Variants in NAALADL2 observed in about 807,000 individuals in gnomAD.
The protein encoded by NAALADL2 is inactive N-acetylated-alpha-linked acidic dipeptidase-like protein 2.
A neutral mutation model predicts 87.2 loss-of-function variants in NAALADL2; 76 were observed. That is an observed-to-expected ratio of 0.87 (90% CI 0.72 to 1.05). The LOEUF (loss-of-function observed/expected upper bound fraction) is 1.05. Ranked by LOEUF, NAALADL2 falls within the 50% of genes least tolerant of loss-of-function variation. The pLI, the probability that NAALADL2 is intolerant of heterozygous loss-of-function variation, is 0.00. For missense variants in NAALADL2, 1,089 were observed against 945.8 expected, an observed-to-expected ratio of 1.15 and a Z score of -1.99; for synonymous variants, 354 against 331.0, an observed-to-expected ratio of 1.07 and a Z score of -0.75.
intron 1 of NAALADL2, among the ~76,000 whole-genome samples, chr3:174,969,346 C>T (rs1164652043): frequency 6.6e-6 from 1 of 152,144 alleles, no homozygotes; most frequent in Non-Finnish European, 1.5e-5. Flanking sequence ...TTCTGTAACA[C>T]TCCTCTTACT....
chr3:175,634,020 C>T (rs909142351), intron 11 of NAALADL2, among the ~76,000 whole-genome samples: 2 of 151,598 alleles, frequency 1.3e-5, no homozygotes, highest in Non-Finnish European at 3.0e-5. Flanking sequence ...TTGTGTAAAG[C>T]CTGAAAATCA....
chr3:174,582,449 AT>A (rs1253649881), intron 2 of NAALADL2, among the ~76,000 whole-genome samples: 1 of 152,238 alleles, frequency 6.6e-6, no homozygotes, highest in Non-Finnish European at 1.5e-5. Flanking sequence ...ACTGCATTTA[AT>A]AGTTTGAATA....
intron 1 of NAALADL2, among the ~76,000 whole-genome samples, chr3:174,524,366 C>T (rs1343023596): frequency 6.6e-6 from 1 of 152,002 alleles, no homozygotes; most frequent in Non-Finnish European, 1.5e-5. Flanking sequence ...AGTGGGGTGG[C>T]GGGTGGATGT....
At chr3:174,783,860 T>C (rs1351679955) in intron 3 of NAALADL2, among the ~76,000 whole-genome samples, 1 of 152,116 alleles carries the variant, frequency 6.6e-6, no homozygotes, top group Non-Finnish European at 1.5e-5. Context: ...GCATCATTTT[T>C]TTCAGAAAAT....
Position 175,013,108 on chromosome 3 carries a change from T to G in NAALADL2, c.44-83682T>G, listed in dbSNP as rs565507012. 7.7e-3 allele frequency among the ~76,000 whole-genome samples: 56 copies of G among 7,310 alleles called. 8 individuals carry two copies. The highest frequency in any genetic ancestry group is 0.033 in the African/African-American group (47 of 1,444). The allele number at this position is 7,310 out of a possible 152,430, so 4.8% of individuals were successfully genotyped here. A position where few individuals can be genotyped will look rare whatever the true frequency, so the allele number is the denominator to read the frequency against. ...CATATTTATATATAAATATACATAT[T>G]TATATATAAATATACATATTTATAT... On this transcript the variant is annotated intron_variant, in intron 1 of 13. Transcript: ENST00000454872.
intron 1 of NAALADL2, among the ~76,000 whole-genome samples, chr3:175,061,763 A>G (rs1398110854): frequency 6.8e-6 from 1 of 146,694 alleles, no homozygotes; most frequent in Non-Finnish European, 1.5e-5. Context: ...AGTTTTATAC[A>G]CCACAAAATT....
At chr3:175,092,945 G>C (rs1720418817) in intron 1 of NAALADL2, among the ~76,000 whole-genome samples, 2 of 151,838 alleles carry the variant, frequency 1.3e-5, no homozygotes, top group African/African-American at 4.8e-5. Context: ...AATATAACAT[G>C]TAAGGGTGTT....
intron 1 of NAALADL2, among the ~76,000 whole-genome samples, chr3:174,993,916 G>A (rs931659044): frequency 6.6e-6 from 1 of 152,130 alleles, no homozygotes; most frequent in African/African-American, 2.4e-5. Flanking sequence ...CTTGGATCAT[G>A]TCAGTCTCTG....
At chr3:175,526,115 C>T (rs1026333355) in intron 9 of NAALADL2, among the ~76,000 whole-genome samples, 1 of 152,156 alleles carries the variant, frequency 6.6e-6, no homozygotes, top group Non-Finnish European at 1.5e-5. Flanking sequence ...TGAGGACAGT[C>T]TTGTCAAATG....
chr3:174,574,185 G>A (rs1715260363), intron 2 of NAALADL2, among the ~76,000 whole-genome samples: 3 of 152,084 alleles, frequency 2.0e-5, no homozygotes, highest in Admixed American at 1.3e-4. Flanking sequence ...CTGAATTCCA[G>A]TAGACATATT....
At chr3:174,680,065 A>G (rs557181628) in intron 2 of NAALADL2, among the ~76,000 whole-genome samples, 1 of 148,252 alleles carries the variant, frequency 6.7e-6, no homozygotes, top group South Asian at 2.2e-4. Flanking sequence ...GACACACACT[A>G]GAAACTTAAT....
At chr3:174,958,314 AT>A (rs1168259484) in intron 1 of NAALADL2, among the ~76,000 whole-genome samples, 2 of 152,006 alleles carry the variant, frequency 1.3e-5, no homozygotes, top group East Asian at 3.9e-4. Flanking sequence ...TAGATGCCCA[AT>A]AGCTATTTAT....
intron 1 of NAALADL2, among the ~76,000 whole-genome samples, chr3:174,872,136 G>A (rs886343346): frequency 2.6e-5 from 4 of 152,092 alleles, no homozygotes; most frequent in African/African-American, 4.8e-5. Context: ...AGTAATATGG[G>A]TGAAAACCTC....
intron 2 of NAALADL2, among the ~76,000 whole-genome samples, chr3:174,695,524 G>T (rs1400777933): frequency 4.0e-5 from 6 of 151,794 alleles, no homozygotes; most frequent in Non-Finnish European, 8.8e-5. Context: ...ATGTCAAAAT[G>T]CCCCAATATT....
At chr3:175,779,955 CA>C (rs1042440098) in intron 13 of NAALADL2, among the ~76,000 whole-genome samples, 5 of 151,840 alleles carry the variant, frequency 3.3e-5, no homozygotes, top group Non-Finnish European at 7.4e-5. Context: ...TTTGAGGGGA[CA>C]AAAAAATTTA....
intron 3 of NAALADL2, among the ~76,000 whole-genome samples, chr3:174,839,470 C>T (rs1723754801): frequency 6.6e-6 from 1 of 152,002 alleles, no homozygotes; most frequent in South Asian, 2.1e-4. Flanking sequence ...AAAGCAAATG[C>T]AATAAAAACA....
intron 5 of NAALADL2, among the ~76,000 whole-genome samples, chr3:175,364,248 A>C (rs998523689): frequency 2.7e-5 from 4 of 148,008 alleles, no homozygotes; most frequent in African/African-American, 9.8e-5. Flanking sequence ...CATTTCTTTT[A>C]TCTTAAGATC....
At position 175,112,063 on chromosome 3, in the gene NAALADL2, A is replaced by C. The variant is rs150642577; in HGVS notation, c.545+14772A>C. 2.0e-4 allele frequency among the ~76,000 whole-genome samples: 31 copies of C among 151,718 alleles called. No individual in the cohort carries two copies. In the East Asian group the frequency reaches 6.0e-3, roughly 30 times the overall value. On this transcript the variant is annotated intron_variant, in intron 2 of 13. Transcript: ENST00000454872. ...CTTTAAATAAATGCATAAATACATAAATAAGGTTTAGATGAGAACCTGACA... is the reference window on the plus strand; with the variant it reads ...CTTTAAATAAATGCATAAATACATACATAAGGTTTAGATGAGAACCTGACA...
At chr3:175,754,397 C>T (rs1333402058) in intron 12 of NAALADL2, among the ~76,000 whole-genome samples, 3 of 152,128 alleles carry the variant, frequency 2.0e-5, no homozygotes, top group Non-Finnish European at 2.9e-5. Flanking sequence ...TTGCTACCAC[C>T]ATTCCTCTCA....
Sources: allele counts gnomAD v4.1 joint callset (sites outside exome capture counted in the v4.1 genomes callset), GRCh38; gene constraint gnomAD v4.1.1; transcripts MANE v1.5; gene names NCBI Gene and HGNC (gene_info 2026-07-23, HGNC 2026-07-21).